DNAH14: variants seen among roughly 807,000 people sequenced by gnomAD.
The protein encoded by DNAH14 is axonemal beta dynein heavy chain 14.
In DNAH14, 478 loss-of-function variants were observed where a neutral mutation model predicts 520.9. That is an observed-to-expected ratio of 0.92 (90% CI 0.85 to 0.99). The LOEUF (loss-of-function observed/expected upper bound fraction) is 0.99, where lower values mean the gene tolerates loss of function less well. DNAH14 is among the 50% of genes least tolerant of loss of function. DNAH14 has a pLI of 0.00. For missense variants in DNAH14, 4,831 were observed against 5,234.5 expected, an observed-to-expected ratio of 0.92 and a Z score of 2.38; for synonymous variants, 1,581 against 1,757.2, an observed-to-expected ratio of 0.90 and a Z score of 2.51.
chr1:225,125,025 T>C lies in DNAH14; in HGVS notation c.4254+1411T>C, dbSNP rs554385198. On this transcript the variant is annotated intron_variant, in intron 27 of 85. Transcript: ENST00000682510. Reference sequence around the variant, plus strand: ...TGGATGTGTTGTTAGTGAGCAGTAATATTTTGAAAGGAATCTTTTTTTCTT... The same window carrying C: ...TGGATGTGTTGTTAGTGAGCAGTAACATTTTGAAAGGAATCTTTTTTTCTT... 5.3e-5 allele frequency among the ~76,000 whole-genome samples: 8 copies of C among 152,300 alleles called. No homozygotes were observed. The South Asian group carries it at 1.2e-3, about 24-fold the overall frequency.
At chr1:225,199,238 TC>T (rs2086515038) in intron 38 of DNAH14, among the ~76,000 whole-genome samples, 1 of 152,284 alleles carries the variant, frequency 6.6e-6, no homozygotes, top group African/African-American at 2.4e-5. Context: ...TGTCTTCTTT[TC>T]TTGGTTAATC....
chr1:225,396,486 C>T (rs1331244469), intron 84 of DNAH14: 1 of 152,120 alleles, frequency 6.6e-6, no homozygotes, highest in African/African-American at 2.4e-5. Flanking sequence ...TTGAACCCAC[C>T]AAGTCTAGCT....
At chr1:225,321,677 T>C (rs2094557407) in intron 61 of DNAH14, among the ~76,000 whole-genome samples, 1 of 152,154 alleles carries the variant, frequency 6.6e-6, no homozygotes, top group Non-Finnish European at 1.5e-5. Flanking sequence ...TTATAAATGT[T>C]ATTCTGACCC....
rs2094845862 is a variant in DNAH14 at position 225,333,505 on chromosome 1, A to G, written c.10079A>G (p.Glu3360Gly). 1 of 1,542,574 alleles carries G rather than the reference A, an allele frequency of 6.5e-7. No individual in the cohort carries two copies. The highest frequency in any genetic ancestry group is 1.2e-5 in the South Asian group (1 of 83,846). Residue 3360 changes from glutamate (E) to glycine (G), a missense_variant and splice_region_variant, in exon 66 of 86, where the codon GAG becomes GGG. Transcript: ENST00000682510. ...SLIKVMAQKYEISRWHNQGLP... is the reference protein window; with the variant it reads ...SLIKVMAQKYGISRWHNQGLP... Reference sequence around the variant, plus strand: ...ATTAAAGTTATGGCACAAAAATATGAGGTAATAACATATTTCTATTATCCA... The same window carrying G: ...ATTAAAGTTATGGCACAAAAATATGGGGTAATAACATATTTCTATTATCCA...
intron 10 of DNAH14, among the ~76,000 whole-genome samples, chr1:225,013,658 A>G (rs2147930390): frequency 6.6e-6 from 1 of 152,224 alleles, no homozygotes; most frequent in Admixed American, 6.5e-5. Flanking sequence ...CTACCCAGAG[A>G]GGAGGAATCT....
intron 35 of DNAH14, among the ~76,000 whole-genome samples, chr1:225,165,922 T>G (rs1384520684): frequency 3.3e-5 from 5 of 152,138 alleles, no homozygotes; most frequent in African/African-American, 1.2e-4. Context: ...CGATTTGATG[T>G]TTTTTTCCTT....
At chr1:225,074,722 G>T (rs2072026648) in intron 17 of DNAH14, among the ~76,000 whole-genome samples, 1 of 152,194 alleles carries the variant, frequency 6.6e-6, no homozygotes, top group Non-Finnish European at 1.5e-5. Flanking sequence ...TGCTGTGCTG[G>T]GGAACCCCTT....
intron 77 of DNAH14, among the ~76,000 whole-genome samples, chr1:225,373,816 G>C (rs2095650049): frequency 6.6e-6 from 1 of 151,838 alleles, no homozygotes; most frequent in South Asian, 2.1e-4. Context: ...CAACAAAAAA[G>C]AACTAGTGGA....
intron 77 of DNAH14, among the ~76,000 whole-genome samples, chr1:225,369,504 A>G (rs1217298279): frequency 6.6e-6 from 1 of 151,954 alleles, no homozygotes; most frequent in Non-Finnish European, 1.5e-5. Flanking sequence ...ATATACACAC[A>G]TGTATATATA....
intron 36 of DNAH14, among the ~76,000 whole-genome samples, chr1:225,182,251 C>T (rs1357171696): frequency 6.6e-6 from 1 of 151,966 alleles, no homozygotes; most frequent in Non-Finnish European, 1.5e-5. Flanking sequence ...TAAATGTGGA[C>T]ACCTCATATA....
intron 43 of DNAH14, among the ~76,000 whole-genome samples, chr1:225,251,385 G>A (rs1450796805): frequency 6.6e-6 from 1 of 152,020 alleles, no homozygotes; most frequent in Non-Finnish European, 1.5e-5. Flanking sequence ...TGTTGGCCAG[G>A]CTGGTCTCAA....
chr1:224,977,470 T>G (rs2061941867), intron 8 of DNAH14, among the ~76,000 whole-genome samples: 1 of 152,128 alleles, frequency 6.6e-6, no homozygotes, highest in African/African-American at 2.4e-5. Flanking sequence ...ACATGTACCC[T>G]AAAACTTAAA....
chr1:225,345,171 C>T (rs2095268072), intron 69 of DNAH14, among the ~76,000 whole-genome samples: 1 of 152,216 alleles, frequency 6.6e-6, no homozygotes, highest in South Asian at 2.1e-4. Context: ...GAATATGGTA[C>T]ACAGACTGTG....
intron 77 of DNAH14, among the ~76,000 whole-genome samples, chr1:225,373,465 A>G (rs1558557434): frequency 6.6e-6 from 1 of 151,378 alleles, no homozygotes; most frequent in African/African-American, 2.4e-5. Context: ...CTCCGTCAAG[A>G]AAGGAAGGGA....
At chr1:225,345,293 G>A (rs953138134) in intron 69 of DNAH14, among the ~76,000 whole-genome samples, 1 of 152,102 alleles carries the variant, frequency 6.6e-6, no homozygotes, top group Non-Finnish European at 1.5e-5. Flanking sequence ...ATGTGTCCAA[G>A]GGCAAGAATC....
chr1:225,369,516 A>G (rs1043235614), intron 77 of DNAH14, among the ~76,000 whole-genome samples: 4 of 151,920 alleles, frequency 2.6e-5, no homozygotes, highest in Non-Finnish European at 4.4e-5. Flanking sequence ...GTATATATAC[A>G]CTGGTATACA....
chr1:225,140,260 C>G (rs1480889641), intron 27 of DNAH14, among the ~76,000 whole-genome samples: 1 of 152,160 alleles, frequency 6.6e-6, no homozygotes, highest in Non-Finnish European at 1.5e-5. Flanking sequence ...TGATGTATCC[C>G]CCTCTTTTAA....
intron 46 of DNAH14, 76 bp from the exon 47 acceptor site, chr1:225,264,121 T>TAA (rs1247186093): frequency 8.1e-7 from 1 of 1,240,980 alleles, no homozygotes; most frequent in East Asian, 2.6e-5. Flanking sequence ...AATATGCTGT[T>TAA]ACTTTTTTGT....
intron 8 of DNAH14, among the ~76,000 whole-genome samples, chr1:224,979,623 G>T (rs1455706611): frequency 6.6e-6 from 1 of 152,136 alleles, no homozygotes; most frequent in Non-Finnish European, 1.5e-5. Flanking sequence ...CAATGGATGT[G>T]GGGGGCACCC....
Sources: gnomAD v4.1 joint callset for allele counts (sites outside exome capture counted in the v4.1 genomes callset) on GRCh38, gnomAD v4.1.1 for gene constraint, MANE v1.5 for transcripts, NCBI Gene and HGNC (gene_info 2026-07-23, HGNC 2026-07-21) for gene names.